UIMC1: variants seen among roughly 807,000 people sequenced by gnomAD.
UIMC1 encodes the protein BRCA1-A complex subunit RAP80.
In UIMC1, 42 loss-of-function variants were observed where a neutral mutation model predicts 84.9. That is an observed-to-expected ratio of 0.49 (90% confidence interval 0.39 to 0.64). The LOEUF (loss-of-function observed/expected upper bound fraction) is 0.64. UIMC1 is among the 30% of genes least tolerant of loss of function. The pLI, the probability that UIMC1 is intolerant of heterozygous loss-of-function variation, is 0.00. For synonymous variants in UIMC1, 281 were observed against 293.0 expected (o/e 0.96, Z 0.42); for missense variants, 825 against 847.6 (o/e 0.97, Z 0.33).
At chr5:177,021,847 C>T (rs139238146) in intron 1 of UIMC1, among the ~76,000 whole-genome samples, 16,593 of 152,182 alleles carry the variant, frequency 0.11, 1,186 homozygotes, top group Non-Finnish European at 0.16. Context: ...GACGGGGTTT[C>T]TCCATGTTGG....
At chr5:177,017,304 C>T (rs1775693808) in intron 1 of UIMC1, among the ~76,000 whole-genome samples, 1 of 152,198 alleles carries the variant, frequency 6.6e-6, no homozygotes, top group South Asian at 2.1e-4. Flanking sequence ...TAGGAGGTAA[C>T]TCAGATACCA....
chr5:176,999,611 G>C (rs968310631), intron 1 of UIMC1, among the ~76,000 whole-genome samples: 2 of 150,636 alleles, frequency 1.3e-5, no homozygotes, highest in Admixed American at 1.3e-4. Context: ...TAGCTCAACT[G>C]TTTTGATTTT....
At chr5:176,918,981 T>C (rs1340502636) in intron 10 of UIMC1, among the ~76,000 whole-genome samples, 3 of 152,184 alleles carry the variant, frequency 2.0e-5, no homozygotes, top group Admixed American at 6.5e-5. Context: ...TCTTGACATA[T>C]TTTCCTAGTC....
At chr5:176,929,559 C>G (rs905533585) in intron 10 of UIMC1, among the ~76,000 whole-genome samples, 2 of 151,176 alleles carry the variant, frequency 1.3e-5, no homozygotes, top group African/African-American at 4.9e-5. Context: ...AGAGTGACTC[C>G]GTCTCAAAAA....
chr5:176,991,885 T>C (rs568839461), intron 1 of UIMC1, among the ~76,000 whole-genome samples: 15 of 151,948 alleles, frequency 9.9e-5, no homozygotes, highest in Non-Finnish European at 1.8e-4. Context: ...TGAGCCGAGA[T>C]TGTGTCACTG....
intron 1 of UIMC1, among the ~76,000 whole-genome samples, chr5:176,991,254 C>T (rs772932708): frequency 1.3e-4 from 20 of 151,920 alleles, no homozygotes; most frequent in Non-Finnish European, 2.2e-4. Flanking sequence ...CGTGATCCAC[C>T]TGCCTCAGCC....
At position 176,953,706 on chromosome 5, in the gene UIMC1, T is replaced by C. The variant is rs560216805; in HGVS notation, c.1340-2129A>G. Among the ~76,000 whole-genome samples, 163 of 152,260 alleles carry C rather than the reference T, an allele frequency of 1.1e-3. 1 individual carries two copies. Among genetic ancestry groups the C allele is most frequent in the Middle Eastern group, 0.01 (3 of 294 alleles). On this transcript the variant is annotated intron_variant, in intron 8 of 14. Transcript: ENST00000511320. The stretch of plus-strand genomic sequence containing the variant: ...TCTGTGAATGGCTGAAATGTCCAAC[T>C]AAGAGGGCATTAGCTTCTCAGAAAA...
At chr5:177,022,127 G>A (rs753115207) in intron 1 of UIMC1, among the ~76,000 whole-genome samples, 5 of 152,134 alleles carry the variant, frequency 3.3e-5, no homozygotes, top group Non-Finnish European at 7.4e-5. Context: ...ACACGGGAAG[G>A]AGCAGCTCTG....
intron 14 of UIMC1, 172 bp downstream of exon 14, chr5:176,905,839 C>A: frequency 1.5e-6 from 1 of 688,788 alleles, no homozygotes; most frequent in Non-Finnish European, 2.4e-6. Context: ...TTGAGTTATC[C>A]AATCTTTAGC....
chr5:177,008,080 G>T (rs1278381403), upstream of UIMC1, among the ~76,000 whole-genome samples: 1 of 151,636 alleles, frequency 6.6e-6, no homozygotes, highest in Non-Finnish European at 1.5e-5. Flanking sequence ...ACTCCAGCCT[G>T]GGTGACAGAG....
intron 10 of UIMC1, among the ~76,000 whole-genome samples, chr5:176,937,201 A>G (rs1326779641): frequency 6.6e-6 from 1 of 152,172 alleles, no homozygotes; most frequent in Non-Finnish European, 1.5e-5. Context: ...ATTACCTTTA[A>G]AGAGCATTCC....
chr5:176,971,064 C>A (rs1463992578), intron 3 of UIMC1, among the ~76,000 whole-genome samples, 198 bp from the exon 4 acceptor site: 1 of 152,210 alleles, frequency 6.6e-6, no homozygotes, highest in African/African-American at 2.4e-5. Flanking sequence ...CAACAAGAAT[C>A]TTGGGTTAAC....
intron 1 of UIMC1, among the ~76,000 whole-genome samples, chr5:176,997,917 C>T (rs927186120): frequency 6.6e-6 from 1 of 152,120 alleles, no homozygotes; most frequent in Non-Finnish European, 1.5e-5. Flanking sequence ...TTCCCCTTCA[C>T]CTAGTTAATT....
Position 177,005,220 on chromosome 5 carries a change from G to A in UIMC1, c.-9+1430C>T, listed in dbSNP as rs77523512. On this transcript the variant is annotated intron_variant, in intron 1 of 14. Transcript: ENST00000511320. ...ACCTGAGTAGCTGAGACTATAGGCA[G>A]GCGCCACCACACTCTAATAATTTTT... 4.1e-3 allele frequency among the ~76,000 whole-genome samples: 619 copies of A among 151,846 alleles called. 5 individuals carry two copies. Among genetic ancestry groups the A allele is most frequent in the African/African-American group, 0.014 (591 of 41,378 alleles).
chr5:176,905,463 C>T lies in UIMC1; in HGVS notation c.1979G>A (p.Gly660Asp). 1 of 1,614,074 alleles carries T rather than the reference C, an allele frequency of 6.2e-7. No homozygotes were observed. The highest frequency in any genetic ancestry group is 8.5e-7 in the Non-Finnish European group (1 of 1,179,992). Residue 660 changes from glycine to aspartate, a missense_variant, in exon 15 of 15, where the codon GGC (glycine) becomes GAC (aspartate). Physicochemically the swap from Gly to Asp is moderately conservative, Grantham distance 94. Coordinates refer to ENST00000511320, the MANE Select transcript of UIMC1 (RefSeq NM_001199298.2). ...RVPSPGMEEA[G>D]CSREMQSSFT... ...AGAACTCTGCATCTCTCTGCTGCAG[C>T]CTGCCTCTTCCATCCCTGGTGAAGG...
intron 6 of UIMC1, among the ~76,000 whole-genome samples, chr5:176,959,959 A>T: frequency 6.6e-6 from 1 of 152,174 alleles, no homozygotes; most frequent in Non-Finnish European, 1.5e-5. Context: ...TGAACCCAAA[A>T]GGTAGAGGTT....
intron 1 of UIMC1, among the ~76,000 whole-genome samples, chr5:176,988,574 A>G (rs1192493210): frequency 1.3e-5 from 2 of 152,120 alleles, no homozygotes; most frequent in Admixed American, 1.3e-4. Context: ...GGATGATAGA[A>G]ATGTTCTGGA....
intron 3 of UIMC1, among the ~76,000 whole-genome samples, chr5:176,974,593 C>T (rs1265680252): frequency 6.6e-6 from 1 of 152,138 alleles, no homozygotes; most frequent in Non-Finnish European, 1.5e-5. Flanking sequence ...TGCCTATAAT[C>T]CCAGCACTTT....
At chr5:176,959,656 C>A (rs1332358096) in intron 6 of UIMC1, among the ~76,000 whole-genome samples, 4 of 142,282 alleles carry the variant, frequency 2.8e-5, no homozygotes, top group Non-Finnish European at 6.0e-5. Context: ...GCGGAGCTTG[C>A]AGTGAGCCGA....
Sources: allele counts gnomAD v4.1 joint callset (sites outside exome capture counted in the v4.1 genomes callset), GRCh38; gene constraint gnomAD v4.1.1; transcripts MANE v1.5; gene names NCBI Gene and HGNC (gene_info 2026-07-23, HGNC 2026-07-21).